DHX33: variants seen among roughly 807,000 people sequenced by gnomAD.
DHX33 encodes the protein DEAH-box helicase 33.
Under a neutral mutation model 72.5 loss-of-function variants are expected in DHX33, and 42 were observed. That is an observed-to-expected ratio of 0.58 (90% CI 0.45 to 0.75). The LOEUF (loss-of-function observed/expected upper bound fraction) is 0.75. DHX33 is among the 30% of genes least tolerant of loss of function. DHX33 has a pLI of 0.00. For missense variants in DHX33, 842 were observed against 917.5 expected, an observed-to-expected ratio of 0.92 and a Z score of 1.06; for synonymous variants, 358 against 366.1, an observed-to-expected ratio of 0.98 and a Z score of 0.25.
chr17:5,455,221 G>A lies in DHX33; in HGVS notation c.1086C>T (p.Thr362=), dbSNP rs555473916. Residue 362 remains threonine (T), a synonymous_variant, in exon 6 of 12, where the codon ACC becomes ACT. Transcript: ENST00000225296. ...ISTNIAETSI[T]ITGIKYVVDT... ...CAACTACATATTTTATTCCTGTAAT[G>A]GTTATGGAGGTTTCAGCGATGTTGG... 7.4e-6 allele frequency: 12 copies of A among 1,614,164 alleles called. No individual in the cohort carries two copies. Among genetic ancestry groups the A allele is most frequent in the African/African-American group, 2.7e-5 (2 of 75,030 alleles).
intron 3 of DHX33, among the ~76,000 whole-genome samples, chr17:5,461,870 T>A (rs955572617): frequency 1.3e-5 from 2 of 149,858 alleles, no homozygotes; most frequent in African/African-American, 4.9e-5. Context: ...TACTTTCAGA[T>A]CATATTTCTG....
In DHX33 at chr17:5,462,131, G is replaced by A. The variant is rs189269481; in HGVS notation, c.678+188C>T. 5.3e-3 allele frequency among the ~76,000 whole-genome samples: 793 copies of A among 150,282 alleles called. 1 individual carries two copies. The highest frequency in any genetic ancestry group is 0.017 in the Middle Eastern group (5 of 286). On this transcript the variant is annotated intron_variant, in intron 3 of 11. Coordinates refer to ENST00000225296, the MANE Select transcript of DHX33 (RefSeq NM_020162.4). Reference sequence around the variant, plus strand: ...ATTTTTATATTTTTAGTAGAGACGGGGTTTCACCACGTTGGCCAGGCTGGT... The same window carrying A: ...ATTTTTATATTTTTAGTAGAGACGGAGTTTCACCACGTTGGCCAGGCTGGT...
chr17:5,448,256 G>C (rs112489867), intron 11 of DHX33, among the ~76,000 whole-genome samples: 1 of 152,116 alleles, frequency 6.6e-6, no homozygotes, highest in African/African-American at 2.4e-5. Flanking sequence ...GGAAGTTGTG[G>C]AACATGTACC....
chr17:5,444,009 C>T lies in DHX33; in HGVS notation c.*196G>A, dbSNP rs1281934867. ...AACCAAAAGCATAATTTTGAGGTTT[C>T]CAGGTACAAATGATATGTCCATGTC... On this transcript the variant is annotated 3_prime_UTR_variant, in exon 12 of 12. Coordinates refer to ENST00000225296, the MANE Select transcript of DHX33 (RefSeq NM_020162.4). This position sits in a 1 kb window ranked among gnomAD's most constrained non-coding sequence, Gnocchi z 4.9. The T allele has an allele frequency of 8.8e-6, 5 of 565,856 alleles. No individual in the cohort carries two copies. Among genetic ancestry groups the T allele is most frequent in the Non-Finnish European group, 1.5e-5 (5 of 340,234 alleles). 35.1% of individuals were successfully genotyped at this position (565,856 alleles called of 1,614,324 possible).
chr17:5,462,975 G>C (rs900978812), intron 2 of DHX33, among the ~76,000 whole-genome samples: 2 of 152,008 alleles, frequency 1.3e-5, no homozygotes, highest in African/African-American at 4.8e-5. Context: ...CCAGCTACTC[G>C]GGAGGCTGAG....
rs1916430078 is a variant in DHX33, at chr17:5,441,367, G to GACAA, written c.*2834_*2837dup. On this transcript the variant is annotated 3_prime_UTR_variant, in exon 12 of 12. Transcript: ENST00000225296. ...GTTGCACACTCCATGATTACTAGAA[G>GACAA]ACAAACACCTGAGGCATGCAATCTG... is the stretch of plus-strand genomic sequence containing the variant. The GACAA allele has an allele frequency of 6.6e-6, 1 of 152,198 alleles. No individual in the cohort carries two copies. The highest frequency in any genetic ancestry group is 1.5e-5 in the Non-Finnish European group (1 of 68,046). The allele number at this position is 152,198 out of a possible 1,614,324, so 9.4% of individuals were successfully genotyped here.
chr17:5,452,333 G>C (rs1916965329), intron 8 of DHX33, among the ~76,000 whole-genome samples: 1 of 152,148 alleles, frequency 6.6e-6, no homozygotes, highest in African/African-American at 2.4e-5. Context: ...TAGGTCAGGA[G>C]TTCAAGACCA....
At chr17:5,449,672 A>G (rs983930780) in intron 10 of DHX33, among the ~76,000 whole-genome samples, 3 of 152,226 alleles carry the variant, frequency 2.0e-5, no homozygotes, top group Non-Finnish European at 2.9e-5. Flanking sequence ...CCTGGGCTCA[A>G]GTGATCCACC....
chr17:5,465,761 G>A (rs1904854123), intron 1 of DHX33, among the ~76,000 whole-genome samples: 2 of 152,072 alleles, frequency 1.3e-5, no homozygotes, highest in Admixed American at 6.5e-5. Context: ...TCTTGTTTTT[G>A]CAGCCTGTCT....
chr17:5,467,002 A>G (rs1173354909), intron 1 of DHX33, among the ~76,000 whole-genome samples: 2 of 152,238 alleles, frequency 1.3e-5, no homozygotes, highest in Non-Finnish European at 2.9e-5. Context: ...AGGTTAAATA[A>G]TTGTTTTGAG....
In DHX33 at chr17:5,462,385, ATCTGTGTGGATAGTCCGT is replaced by A; in HGVS notation, c.594_611del (p.Glu198_Thr203del). 6.2e-7 allele frequency: 1 copy of A among 1,614,232 alleles called. No individual in the cohort carries two copies. Among genetic ancestry groups the A allele is most frequent in the Non-Finnish European group, 8.5e-7 (1 of 1,180,034 alleles). ...CAGCTTTCACCACTCCAAAGAGCAC[ATCTGTGTGGATAGTCCGT>A]TCGTGAGCTTCATCCAAAATGACAC... On this transcript the variant is annotated inframe_deletion, in exon 3 of 12. Transcript: ENST00000225296.
intron 1 of DHX33, among the ~76,000 whole-genome samples, chr17:5,467,566 T>C (rs1904928958): frequency 6.6e-6 from 1 of 152,054 alleles, no homozygotes; most frequent in African/African-American, 2.4e-5. Flanking sequence ...GCCAGAAACA[T>C]TCCAAACTCC....
Position 5,468,691 on chromosome 17 carries a change from G to A in DHX33, c.169C>T (p.Gln57Ter). 1 of 1,611,890 alleles carries A rather than the reference G, an allele frequency of 6.2e-7. No individual in the cohort carries two copies. Among genetic ancestry groups the A allele is most frequent in the Non-Finnish European group, 8.5e-7 (1 of 1,179,390 alleles). ...GGRRQQPPLA[Q>*]PSASPYPEAV... ...TCAGGGTAGGGACTGGCCGAGGGCT[G>A]GGCCAGGGGCGGCTGCTGCCTCCGG... The change falls in exon 1 of 12, where the codon CAG becomes TAG. Residue 57 changes from glutamine to a stop codon, truncating the protein, a stop_gained. Coordinates refer to ENST00000225296, the MANE Select transcript of DHX33 (RefSeq NM_020162.4). LOFTEE classifies it high-confidence loss of function.
At chr17:5,462,132 G>A (rs1904657337) in intron 3 of DHX33, among the ~76,000 whole-genome samples, 187 bp downstream of exon 3, 1 of 150,330 alleles carries the variant, frequency 6.7e-6, no homozygotes, top group Admixed American at 6.6e-5. Flanking sequence ...TAGAGACGGG[G>A]TTTCACCACG....
intron 4 of DHX33, among the ~76,000 whole-genome samples, chr17:5,459,453 G>A (rs947742832): frequency 2.0e-5 from 3 of 151,078 alleles, no homozygotes. Context: ...TTCTTTTTTT[G>A]AGATAGGATC....
intron 3 of DHX33, among the ~76,000 whole-genome samples, chr17:5,461,855 C>T (rs1029783440): frequency 3.4e-5 from 5 of 147,332 alleles, no homozygotes; most frequent in African/African-American, 1.3e-4. Flanking sequence ...GGCCAATTAT[C>T]TGGATACTTT....
chr17:5,458,880 A>T (rs1360254185), intron 4 of DHX33, among the ~76,000 whole-genome samples: 2 of 152,202 alleles, frequency 1.3e-5, no homozygotes, highest in African/African-American at 4.8e-5. Flanking sequence ...TAAAACTTTA[A>T]ATCCCATATG....
At chr17:5,457,252 G>A (rs973973725) in intron 4 of DHX33, among the ~76,000 whole-genome samples, 2 of 152,160 alleles carry the variant, frequency 1.3e-5, no homozygotes, top group Non-Finnish European at 2.9e-5. Flanking sequence ...AGGTTGCAGT[G>A]AGCCGAGATT....
intron 3 of DHX33, 156 bp from the exon 4 acceptor site, chr17:5,461,265 AC>A (rs1490109508): frequency 9.8e-6 from 6 of 610,908 alleles, no homozygotes; most frequent in African/African-American, 1.9e-5. Flanking sequence ...AGAGGAAAAC[AC>A]CCTGCTAGAG....
Sources: gnomAD v4.1 joint callset for allele counts (sites outside exome capture counted in the v4.1 genomes callset) on GRCh38, gnomAD v4.1.1 for gene constraint, Gnocchi (gnomAD v3.1) non-coding constraint, MANE v1.5 for transcripts, NCBI Gene and HGNC (gene_info 2026-07-23, HGNC 2026-07-21) for gene names.